PTPRD: variants seen among roughly 807,000 people sequenced by gnomAD.
PTPRD encodes protein tyrosine phosphatase receptor type D, also known as receptor-type tyrosine-protein phosphatase delta.
PTPRD carries 34 observed loss-of-function variants against 214.5 expected under a neutral mutation model. The observed-to-expected ratio is 0.16, with a 90% CI of 0.12 to 0.21. The LOEUF is 0.21. Ranked by LOEUF, PTPRD falls within the 10% of genes least tolerant of loss-of-function variation. PTPRD has a pLI of 1.00. For missense variants in PTPRD, 2,545 were observed against 2,398.7 expected, an observed-to-expected ratio of 1.06 and a Z score of -1.27; for synonymous variants, 1,128 against 845.7, an observed-to-expected ratio of 1.33 and a Z score of -5.79.
chr9:8,753,822 T>C (rs926411097), intron 11 of PTPRD, among the ~76,000 whole-genome samples: 1 of 152,162 alleles, frequency 6.6e-6, no homozygotes, highest in South Asian at 2.1e-4. Context: ...AATAAATGGA[T>C]GATTATAGTA....
chr9:9,833,222 A>G (rs911698312), intron 5 of PTPRD, among the ~76,000 whole-genome samples: 3 of 152,068 alleles, frequency 2.0e-5, no homozygotes, highest in Non-Finnish European at 4.4e-5. Context: ...CAAAGCGTCG[A>G]CTGGCTTGAG....
intron 2 of PTPRD, among the ~76,000 whole-genome samples, chr9:10,564,201 A>G (rs1332433851): frequency 4.6e-5 from 1 of 21,558 alleles, no homozygotes; most frequent in African/African-American, 2.1e-4. Flanking sequence ...TTTTTGAGAC[A>G]TAGGGGTTTC....
At chr9:9,891,896 G>C (rs1363573790) in intron 5 of PTPRD, among the ~76,000 whole-genome samples, 1 of 151,986 alleles carries the variant, frequency 6.6e-6, no homozygotes, top group Non-Finnish European at 1.5e-5. Context: ...GATTTAATGA[G>C]CTATAAATTT....
chr9:9,356,045 G>A (rs2053640637), intron 9 of PTPRD, among the ~76,000 whole-genome samples: 1 of 151,328 alleles, frequency 6.6e-6, no homozygotes, highest in South Asian at 2.1e-4. Flanking sequence ...ACAAGTTTTA[G>A]TGGAATGATG....
intron 8 of PTPRD, among the ~76,000 whole-genome samples, chr9:9,467,213 C>CTTTTTTTT (rs35659936): frequency 1.4e-4 from 13 of 92,858 alleles, no homozygotes; most frequent in East Asian, 3.6e-4. Context: ...GTTCATTTAT[C>CTTTTTTTT]TTTTTTTTTT....
At chr9:10,470,063 T>C (rs1315419984) in intron 2 of PTPRD, among the ~76,000 whole-genome samples, 1 of 151,928 alleles carries the variant, frequency 6.6e-6, no homozygotes, top group South Asian at 2.1e-4. Context: ...GGTACCAAAA[T>C]AGGGGGCTTA....
intron 9 of PTPRD, among the ~76,000 whole-genome samples, chr9:9,322,576 C>T (rs1290027502): frequency 2.6e-5 from 4 of 152,154 alleles, no homozygotes; most frequent in Non-Finnish European, 2.9e-5. Context: ...CACATTTATA[C>T]AGCAGCAAAT....
At chr9:9,535,549 A>G (rs534596334) in intron 8 of PTPRD, among the ~76,000 whole-genome samples, 69 of 152,222 alleles carry the variant, frequency 4.5e-4, no homozygotes, top group African/African-American at 1.5e-3. Context: ...AACAATGTAC[A>G]CATACATTAA....
chr9:10,028,824 G>C (rs112059551), intron 4 of PTPRD, among the ~76,000 whole-genome samples: 1 of 152,012 alleles, frequency 6.6e-6, no homozygotes, highest in Admixed American at 6.6e-5. Context: ...AATTCAAGTC[G>C]GCTGCAGACA....
intron 14 of PTPRD, among the ~76,000 whole-genome samples, chr9:8,579,651 T>A (rs1262820616): frequency 6.6e-6 from 1 of 152,234 alleles, no homozygotes; most frequent in Non-Finnish European, 1.5e-5. Context: ...AAGAGACATT[T>A]ACATAAAGGT....
At chr9:8,649,619 T>C (rs186070474) in intron 12 of PTPRD, among the ~76,000 whole-genome samples, 37 of 152,340 alleles carry the variant, frequency 2.4e-4, no homozygotes, top group African/African-American at 8.4e-4. Flanking sequence ...TAAGAAATCT[T>C]TGTAAACAAA....
chr9:8,735,762 A>T (rs1045199831), intron 11 of PTPRD, among the ~76,000 whole-genome samples: 8 of 152,020 alleles, frequency 5.3e-5, no homozygotes, highest in Admixed American at 6.6e-5. Context: ...ACACAAAAAA[A>T]TTAGCCAGGC....
chr9:10,221,612 T>C (rs1253830771), intron 3 of PTPRD, among the ~76,000 whole-genome samples: 3 of 152,018 alleles, frequency 2.0e-5, no homozygotes, highest in African/African-American at 7.2e-5. Flanking sequence ...TAATACTACA[T>C]ACAATGTCTT....
chr9:9,303,990 T>C (rs1005665879), intron 9 of PTPRD, among the ~76,000 whole-genome samples: 1 of 152,178 alleles, frequency 6.6e-6, no homozygotes, highest in Non-Finnish European at 1.5e-5. Context: ...TACTTCTTTC[T>C]ACTCTCCAAC....
At chr9:10,198,716 C>T (rs294826) in intron 3 of PTPRD, among the ~76,000 whole-genome samples, 117,911 of 152,010 alleles carry the variant, frequency 0.78, 46,740 homozygotes, top group East Asian at 0.97. Context: ...TATTCTGCAG[C>T]AGATTAATAA....
chr9:10,025,349 C>T (rs1008875980), intron 4 of PTPRD, among the ~76,000 whole-genome samples: 9 of 152,016 alleles, frequency 5.9e-5, no homozygotes, highest in African/African-American at 2.2e-4. Flanking sequence ...GGTATCTGAA[C>T]TGCTTACACA....
intron 10 of PTPRD, among the ~76,000 whole-genome samples, chr9:9,056,391 A>G (rs1033995315): frequency 1.3e-5 from 2 of 152,194 alleles, no homozygotes; most frequent in African/African-American, 4.8e-5. Flanking sequence ...GACCTAGATG[A>G]TCAGCCCTGC....
intron 36 of PTPRD, among the ~76,000 whole-genome samples, chr9:8,389,702 C>CA (rs900704143): frequency 1.2e-4 from 18 of 151,404 alleles, no homozygotes; most frequent in Non-Finnish European, 1.5e-4. Flanking sequence ...GTTGCACTGG[C>CA]AAAAAAAATA....
At chr9:8,915,425 T>C (rs13291911) in intron 11 of PTPRD, among the ~76,000 whole-genome samples, 1 of 152,130 alleles carries the variant, frequency 6.6e-6, no homozygotes, top group African/African-American at 2.4e-5. Flanking sequence ...TCAACGGGGA[T>C]TGTGGACCAC....
Sources: gnomAD v4.1 joint callset for allele counts (sites outside exome capture counted in the v4.1 genomes callset) on GRCh38, gnomAD v4.1.1 for gene constraint, MANE v1.5 for transcripts, NCBI Gene and HGNC (gene_info 2026-07-23, HGNC 2026-07-21) for gene names.